Variants in NRXN1 observed in about 807,000 individuals in gnomAD.
NRXN1 encodes neurexin-1.
In NRXN1, 39 loss-of-function variants were observed where a neutral mutation model predicts 150.9. That is an observed-to-expected ratio of 0.26 (90% CI 0.20 to 0.34). NRXN1 has a LOEUF of 0.34. NRXN1 is among the 10% of genes least tolerant of loss of function. The pLI is 1.00. For synonymous variants in NRXN1, 924 were observed against 757.0 expected (o/e 1.22, Z -3.62); for missense variants, 1,815 against 1,949.9 (o/e 0.93, Z 1.30).
At chr2:50,451,544 G>A (rs2086965890) in intron 17 of NRXN1, among the ~76,000 whole-genome samples, 1 of 152,130 alleles carries the variant, frequency 6.6e-6, no homozygotes, top group South Asian at 2.1e-4. Context: ...TACTCACCTT[G>A]CTCTGCATCG....
intron 2 of NRXN1, among the ~76,000 whole-genome samples, chr2:50,989,165 T>C (rs1057222632): frequency 1.3e-5 from 2 of 151,958 alleles, no homozygotes; most frequent in African/African-American, 4.8e-5. Context: ...TAACAGAATA[T>C]TTTGAAATTT....
chr2:50,961,959 C>A (rs1343272457), intron 2 of NRXN1, among the ~76,000 whole-genome samples: 8 of 110,330 alleles, frequency 7.3e-5, no homozygotes, highest in African/African-American at 2.8e-4. Context: ...ACTAGGCCTG[C>A]TAGTTAAAAA....
intron 21 of NRXN1, among the ~76,000 whole-genome samples, chr2:49,957,451 C>G (rs1320272146): frequency 6.6e-6 from 1 of 152,064 alleles, no homozygotes; most frequent in Non-Finnish European, 1.5e-5. Flanking sequence ...AACTTTATTC[C>G]TAGCACTGGA....
At chr2:51,020,459 T>C (rs1399486092) in intron 2 of NRXN1, among the ~76,000 whole-genome samples, 2 of 151,944 alleles carry the variant, frequency 1.3e-5, no homozygotes, top group East Asian at 1.9e-4. Context: ...GCATAAATGA[T>C]CTAAAATACA....
chr2:50,984,493 C>A (rs186556208), intron 2 of NRXN1, among the ~76,000 whole-genome samples: 19 of 151,934 alleles, frequency 1.3e-4, no homozygotes, highest in South Asian at 8.3e-4. Flanking sequence ...AATATATGTG[C>A]CTACTATATA....
intron 19 of NRXN1, among the ~76,000 whole-genome samples, chr2:50,069,846 G>GTTTTT (rs1467398706): frequency 0.054 from 3,544 of 65,184 alleles, 79 homozygotes; most frequent in Non-Finnish European, 0.068. Flanking sequence ...AGATTTTGGG[G>GTTTTT]GTTTTTTTTT....
At chr2:50,746,744 T>C (rs1437521619) in intron 5 of NRXN1, among the ~76,000 whole-genome samples, 3 of 152,102 alleles carry the variant, frequency 2.0e-5, no homozygotes, top group Non-Finnish European at 4.4e-5. Context: ...TCAGAGGCTC[T>C]TAAGGCTCAT....
chr2:49,997,698 G>C (rs190636250), intron 21 of NRXN1, among the ~76,000 whole-genome samples: 30 of 152,138 alleles, frequency 2.0e-4, no homozygotes, highest in African/African-American at 6.3e-4. Context: ...TAGAAATTTA[G>C]AATTTTCCTA....
At chr2:50,508,170 G>C (rs2092318628) in intron 12 of NRXN1, among the ~76,000 whole-genome samples, 1 of 152,032 alleles carries the variant, frequency 6.6e-6, no homozygotes, top group African/African-American at 2.4e-5. Context: ...ATCCTTGGCT[G>C]GTGTATCTCA....
chr2:50,519,747 C>A (rs1370644023), intron 12 of NRXN1, among the ~76,000 whole-genome samples: 2 of 151,864 alleles, frequency 1.3e-5, no homozygotes, highest in Admixed American at 1.3e-4. Context: ...TGGTTTATTT[C>A]TCATGATCTT....
chr2:50,420,336 G>A (rs1286044112), intron 17 of NRXN1, among the ~76,000 whole-genome samples: 2 of 151,704 alleles, frequency 1.3e-5, no homozygotes, highest in Admixed American at 6.6e-5. Context: ...CATTAAATAG[G>A]CCCACAGACT....
chr2:50,049,800 A>C (rs561050443), intron 21 of NRXN1, among the ~76,000 whole-genome samples: 5 of 152,036 alleles, frequency 3.3e-5, no homozygotes. Flanking sequence ...CAGCCAAAAA[A>C]CTTGCATGAT....
chr2:50,653,398 T>A (rs567794108), intron 5 of NRXN1, among the ~76,000 whole-genome samples: 1 of 152,140 alleles, frequency 6.6e-6, no homozygotes, highest in East Asian at 1.9e-4. Flanking sequence ...TTTCAGTCTC[T>A]TAATGGCTGG....
intron 17 of NRXN1, among the ~76,000 whole-genome samples, chr2:50,437,845 C>T (rs2104425009): frequency 1.3e-5 from 2 of 152,240 alleles, no homozygotes; most frequent in Middle Eastern, 6.8e-3. Flanking sequence ...TCCTCTGAGC[C>T]AGAAACTGCT....
At chr2:50,307,916 A>G (rs2074785458) in intron 17 of NRXN1, among the ~76,000 whole-genome samples, 2 of 152,230 alleles carry the variant, frequency 1.3e-5, no homozygotes, top group Non-Finnish European at 2.9e-5. Context: ...AAATAATTTC[A>G]TTTATGGAGT....
intron 5 of NRXN1, among the ~76,000 whole-genome samples, chr2:50,864,442 G>A (rs528055049): frequency 6.6e-6 from 1 of 152,080 alleles, no homozygotes; most frequent in East Asian, 1.9e-4. Context: ...ACACATAAAG[G>A]TAATGGAAGT....
chr2:50,025,957 A>G (rs1471460316), intron 21 of NRXN1, among the ~76,000 whole-genome samples: 1 of 152,208 alleles, frequency 6.6e-6, no homozygotes, highest in Non-Finnish European at 1.5e-5. Flanking sequence ...AACTGGGAAG[A>G]TTTTATAATA....
intron 5 of NRXN1, among the ~76,000 whole-genome samples, chr2:50,775,056 T>C (rs1703443768): frequency 6.6e-6 from 1 of 152,178 alleles, no homozygotes; most frequent in Admixed American, 6.5e-5. Context: ...CTCTACTCCA[T>C]CCTTTGCTTT....
rs375089685 is a variant in NRXN1, at chr2:50,847,453, T to C, written c.832+74416A>G. ...GAGTGCTGGGAAGGGAAGAGTGTGG[T>C]CGCTTTAAATGATACAGAAGCGGGG... is the stretch of plus-strand genomic sequence containing the variant. On this transcript the variant is annotated intron_variant, in intron 5 of 22. Transcript: ENST00000401669. Among the ~76,000 whole-genome samples the C allele has an allele frequency of 1.2e-4, 18 of 151,806 alleles. 1 individual carries two copies. The East Asian group carries it at 2.5e-3, about 21-fold the overall frequency.
Sources: allele counts gnomAD v4.1 joint callset (sites outside exome capture counted in the v4.1 genomes callset), GRCh38; gene constraint gnomAD v4.1.1; transcripts MANE v1.5; gene names NCBI Gene and HGNC (gene_info 2026-07-23, HGNC 2026-07-21).